Variants in ARFIP1 observed in about 807,000 individuals in gnomAD.
ARFIP1 encodes the protein arfaptin-1.
In ARFIP1, 24 loss-of-function variants were observed where a neutral mutation model predicts 42.5. The ratio of observed to expected loss-of-function variants is 0.57; its 90% CI spans 0.41 to 0.80. The LOEUF (loss-of-function observed/expected upper bound fraction) is 0.80. ARFIP1 is among the 30% of genes least tolerant of loss of function. The pLI is 0.00. For synonymous variants in ARFIP1, 141 were observed against 153.7 expected (o/e 0.92, Z 0.61); for missense variants, 354 against 434.0 (o/e 0.82, Z 1.64).
chr4:152,868,714 GTCT>G (rs1275316625), intron 3 of ARFIP1, among the ~76,000 whole-genome samples: 2 of 152,110 alleles, frequency 1.3e-5, no homozygotes, highest in Non-Finnish European at 2.9e-5. Context: ...AAGTACAGTG[GTCT>G]TCTTTTATTT....
chr4:152,796,679 G>A (rs1174740933), intron 1 of ARFIP1: 2 of 881,910 alleles, frequency 2.3e-6, no homozygotes, highest in African/African-American at 1.7e-5. Context: ...TCAGCATGGC[G>A]CTGTTTATGA....
At position 152,912,196 on chromosome 4, in the gene ARFIP1, A is replaced by G. The variant is rs1738896592; in HGVS notation, c.*1977A>G. 1 of 152,184 alleles carries G rather than the reference A, an allele frequency of 6.6e-6. No individual in the cohort carries two copies. The highest frequency in any genetic ancestry group is 1.5e-5 in the Non-Finnish European group (1 of 68,012). 9.4% of individuals were successfully genotyped at this position (152,184 alleles called of 1,614,324 possible). On this transcript the variant is annotated 3_prime_UTR_variant, in exon 9 of 9. Transcript: ENST00000353617. ...TATCCATGATTCTGATAGTGGGCAC[A>G]TGACCAAAAGAAAAAAGTAAATCAA... is the stretch of plus-strand genomic sequence containing the variant.
intron 1 of ARFIP1, among the ~76,000 whole-genome samples, chr4:152,783,440 A>G (rs1227353345): frequency 6.6e-6 from 1 of 152,250 alleles, no homozygotes; most frequent in Non-Finnish European, 1.5e-5. Context: ...GCATTAAGCT[A>G]AGTGCTTTAC....
chr4:152,807,322 A>G (rs1032685611), intron 1 of ARFIP1: 1 of 152,126 alleles, frequency 6.6e-6, no homozygotes, highest in Non-Finnish European at 1.5e-5. Context: ...AGTCAAGTAT[A>G]TATTTACCTT....
chr4:152,831,235 C>G lies in ARFIP1; in HGVS notation c.93+1509C>G, dbSNP rs191488922. On this transcript the variant is annotated intron_variant, in intron 2 of 8. Transcript: ENST00000353617. The stretch of plus-strand genomic sequence containing the variant: ...TTATTTTTGGTAACAGCTCTTTTTG[C>G]AAACTTACTATGCAAGTATTTACTG... Among the ~76,000 whole-genome samples, 57 of 152,300 alleles carry G rather than the reference C, an allele frequency of 3.7e-4. No individual in the cohort carries two copies. The East Asian group carries it at 9.4e-3, about 25-fold the overall frequency.
At chr4:152,908,345 G>T (rs72725610) in intron 8 of ARFIP1, among the ~76,000 whole-genome samples, 4,085 of 152,196 alleles carry the variant, frequency 0.027, 99 homozygotes, top group South Asian at 0.11. Context: ...TGAATATTAG[G>T]CCGGGCACGG....
chr4:152,860,881 T>C (rs1287840773), intron 2 of ARFIP1, among the ~76,000 whole-genome samples: 2 of 152,232 alleles, frequency 1.3e-5, no homozygotes, highest in African/African-American at 4.8e-5. Flanking sequence ...ATAGACAGCC[T>C]ACAAATGTTG....
Position 152,889,809 on chromosome 4 carries a change from CTATA to C in ARFIP1, c.966+1509_966+1512del, listed in dbSNP as rs1282524548. Among the ~76,000 whole-genome samples, 532 of 107,066 alleles carry C rather than the reference CTATA, an allele frequency of 5.0e-3. 4 individuals are homozygous for C. Among genetic ancestry groups the C allele is most frequent in the African/African-American group, 0.019 (496 of 26,372 alleles). 70.2% of individuals were successfully genotyped at this position (107,066 alleles called of 152,430 possible). On this transcript the variant is annotated intron_variant, in intron 8 of 8. Transcript: ENST00000353617. ...TATATATTATATACTATACTATATACTATATATATACTATATATACTATATACTA... is the reference window on the plus strand; with the variant it reads ...TATATATTATATACTATACTATATACTATATACTATATATACTATATACTA...
chr4:152,800,908 C>T (rs192227758), intron 1 of ARFIP1, among the ~76,000 whole-genome samples: 65 of 152,232 alleles, frequency 4.3e-4, no homozygotes, highest in African/African-American at 1.4e-3. Context: ...GCCATTTATT[C>T]TGAAGTCTTA....
chr4:152,905,868 A>C (rs1011307012), intron 8 of ARFIP1, among the ~76,000 whole-genome samples: 5 of 152,012 alleles, frequency 3.3e-5, no homozygotes, highest in Non-Finnish European at 5.9e-5. Context: ...TTCTTTATGT[A>C]TTCTAGAATC....
chr4:152,860,296 G>C (rs976838071), intron 2 of ARFIP1, among the ~76,000 whole-genome samples: 1 of 152,104 alleles, frequency 6.6e-6, no homozygotes, highest in Non-Finnish European at 1.5e-5. Context: ...TTCAAACTCA[G>C]GTATATCTGA....
At chr4:152,814,175 G>A (rs1340781241) in intron 1 of ARFIP1, among the ~76,000 whole-genome samples, 2 of 147,210 alleles carry the variant, frequency 1.4e-5, no homozygotes, top group Non-Finnish European at 3.0e-5. Flanking sequence ...CTGCAGCCTC[G>A]ACCTCCCTGG....
At chr4:152,884,288 TTCAGTC>T (rs879376930) in intron 7 of ARFIP1, among the ~76,000 whole-genome samples, 1 of 151,976 alleles carries the variant, frequency 6.6e-6, no homozygotes, top group Non-Finnish European at 1.5e-5. Flanking sequence ...TAATTGGTGT[TTCAGTC>T]TCAGTGTAAA....
intron 2 of ARFIP1, among the ~76,000 whole-genome samples, chr4:152,842,123 A>T (rs1027626633): frequency 2.6e-5 from 4 of 152,082 alleles, no homozygotes; most frequent in Admixed American, 2.0e-4. Context: ...CACCCAACCA[A>T]TCAGATAGTA....
At chr4:152,792,290 C>T (rs954118914) in intron 1 of ARFIP1, among the ~76,000 whole-genome samples, 1 of 152,026 alleles carries the variant, frequency 6.6e-6, no homozygotes, top group Non-Finnish European at 1.5e-5. Context: ...AGAGTAATAA[C>T]CCTTTAGACA....
intron 8 of ARFIP1, among the ~76,000 whole-genome samples, chr4:152,904,376 A>G (rs555502717): frequency 2.6e-5 from 4 of 151,782 alleles, no homozygotes; most frequent in Admixed American, 1.3e-4. Flanking sequence ...TATTTTTAGT[A>G]GAGACAGGTT....
intron 1 of ARFIP1, chr4:152,810,030 T>G (rs1729323548): frequency 6.6e-6 from 1 of 152,202 alleles, no homozygotes; most frequent in Non-Finnish European, 1.5e-5. Flanking sequence ...AAATGTTCAG[T>G]TTTTTGTTTA....
chr4:152,792,689 G>A (rs1731207658), intron 1 of ARFIP1, among the ~76,000 whole-genome samples: 1 of 151,938 alleles, frequency 6.6e-6, no homozygotes, highest in Non-Finnish European at 1.5e-5. Flanking sequence ...CTCTTTCCTG[G>A]GTGCTAAGAA....
intron 1 of ARFIP1, among the ~76,000 whole-genome samples, chr4:152,822,560 A>G (rs1730473599): frequency 6.6e-6 from 1 of 152,238 alleles, no homozygotes; most frequent in Non-Finnish European, 1.5e-5. Flanking sequence ...TGTAGAACAA[A>G]TAGATCTAAC....
Sources: gnomAD v4.1 joint callset for allele counts (sites outside exome capture counted in the v4.1 genomes callset) on GRCh38, gnomAD v4.1.1 for gene constraint, MANE v1.5 for transcripts, NCBI Gene and HGNC (gene_info 2026-07-23, HGNC 2026-07-21) for gene names.